Variants in CS observed in about 807,000 individuals in gnomAD.
The protein encoded by CS is citrate synthase.
CS carries 13 observed loss-of-function variants against 61.4 expected under a neutral mutation model. That is an observed-to-expected ratio of 0.21 (90% CI 0.14 to 0.34). The LOEUF (loss-of-function observed/expected upper bound fraction) is 0.34, where lower values mean the gene tolerates loss of function less well. Ranked by LOEUF, CS falls within the 10% of genes least tolerant of loss-of-function variation. CS has a pLI of 1.00. For missense variants in CS, 278 were observed against 573.4 expected, an observed-to-expected ratio of 0.48 and a Z score of 5.26; for synonymous variants, 159 against 215.2, an observed-to-expected ratio of 0.74 and a Z score of 2.29.
chr12:56,295,826 C>A (rs1300926058), intron 1 of CS, among the ~76,000 whole-genome samples: 3 of 148,658 alleles, frequency 2.0e-5, no homozygotes, highest in East Asian at 4.1e-4. Context: ...AGGTGGTGGG[C>A]GCCTACAGTC....
At chr12:56,286,773 A>G (rs1290711867) in intron 1 of CS, 128 bp from the exon 2 acceptor site, 9 of 798,326 alleles carry the variant, frequency 1.1e-5, no homozygotes, top group Admixed American at 2.2e-5. Context: ...GACATAAGAA[A>G]GCTGTAAAAG....
chr12:56,279,320 G>A (rs1416430309), intron 6 of CS, among the ~76,000 whole-genome samples: 5 of 152,036 alleles, frequency 3.3e-5, no homozygotes, highest in Admixed American at 3.3e-4. Flanking sequence ...ATCCTCTTAA[G>A]GTATATGTAA....
chr12:56,289,919 G>A (rs1458584105), intron 1 of CS, among the ~76,000 whole-genome samples: 1 of 151,968 alleles, frequency 6.6e-6, no homozygotes, highest in African/African-American at 2.4e-5. Flanking sequence ...TTTTGAGACC[G>A]AGTCTTGCTC....
chr12:56,278,890 C>A (rs71459354), intron 6 of CS, among the ~76,000 whole-genome samples: 1 of 152,120 alleles, frequency 6.6e-6, no homozygotes, highest in Admixed American at 6.5e-5. Flanking sequence ...TCTCCCACCT[C>A]GGCCTCCTGA....
At chr12:56,297,330 T>C (rs1359560347) in intron 1 of CS, among the ~76,000 whole-genome samples, 1 of 152,226 alleles carries the variant, frequency 6.6e-6, no homozygotes, top group Non-Finnish European at 1.5e-5. Context: ...GGCCATTGCT[T>C]AGCATTAATG....
At chr12:56,287,922 C>T (rs1872993549) in intron 1 of CS, among the ~76,000 whole-genome samples, 1 of 152,094 alleles carries the variant, frequency 6.6e-6, no homozygotes, top group African/African-American at 2.4e-5. Context: ...CCTCTCAAAG[C>T]ACTGGGATTA....
At position 56,272,677 on chromosome 12, in the gene CS, AGTCCTG is replaced by A. The variant is rs984956273; in HGVS notation, c.*401_*406del. The A allele has an allele frequency of 6.2e-6, 1 of 160,218 alleles. No homozygotes were observed. Among genetic ancestry groups the A allele is most frequent in the Admixed American group, 6.2e-5 (1 of 16,240 alleles). 9.9% of individuals were successfully genotyped at this position (160,218 alleles called of 1,614,324 possible). A position where few individuals can be genotyped will look rare whatever the true frequency, so the allele number is the denominator to read the frequency against. On this transcript the variant is annotated 3_prime_UTR_variant, in exon 11 of 11. Transcript: ENST00000351328. The stretch of plus-strand genomic sequence containing the variant: ...ATTCCTATGGAAACAGAAGGGGCAG[AGTCCTG>A]GTTTGCTGGCTTATTGAGGGCTTGG...
At chr12:56,295,348 C>T (rs569961316) in intron 1 of CS, among the ~76,000 whole-genome samples, 1 of 150,874 alleles carries the variant, frequency 6.6e-6, no homozygotes, top group African/African-American at 2.4e-5. Flanking sequence ...TGGTGAAACC[C>T]CATCTCTACT....
Position 56,272,687 on chromosome 12 carries a change from T to A in CS, c.*397A>T, listed in dbSNP as rs1326528710. 1.2e-5 allele frequency: 2 copies of A among 162,866 alleles called. No homozygotes were observed. Among genetic ancestry groups the A allele is most frequent in the Non-Finnish European group, 2.7e-5 (2 of 74,988 alleles). The allele number at this position is 162,866 out of a possible 1,614,324, so 10.1% of individuals were successfully genotyped here. On this transcript the variant is annotated 3_prime_UTR_variant, in exon 11 of 11. Coordinates refer to ENST00000351328, the MANE Select transcript of CS (RefSeq NM_004077.3). ...AAACAGAAGGGGCAGAGTCCTGGTT[T>A]GCTGGCTTATTGAGGGCTTGGCAGA...
rs1872525547 is a variant in CS, at chr12:56,271,768, GT to G, written c.*1315del. 1 of 385,708 alleles carries G rather than the reference GT, an allele frequency of 2.6e-6. No homozygotes were observed. The highest frequency in any genetic ancestry group is 5.2e-6 in the Non-Finnish European group (1 of 192,994). The allele number at this position is 385,708 out of a possible 1,614,324, so 23.9% of individuals were successfully genotyped here. ...CTGAAGTCTCCATCATGACTTGACAGTTACCCAGGGGTTTACAGTGTGTCCA... is the reference window on the plus strand; with the variant it reads ...CTGAAGTCTCCATCATGACTTGACAGTACCCAGGGGTTTACAGTGTGTCCA... On this transcript the variant is annotated 3_prime_UTR_variant, in exon 11 of 11. Transcript: ENST00000351328.
intron 1 of CS, among the ~76,000 whole-genome samples, chr12:56,297,618 C>T (rs900063092): frequency 9.2e-5 from 14 of 152,118 alleles, no homozygotes; most frequent in Non-Finnish European, 1.9e-4. Context: ...TCACGAGAAT[C>T]GCTTGAGCCT....
At chr12:56,280,953 CT>C (rs1272636732) in intron 6 of CS, among the ~76,000 whole-genome samples, 3 of 152,178 alleles carry the variant, frequency 2.0e-5, no homozygotes, top group Non-Finnish European at 4.4e-5. Context: ...TCTTCCTCAA[CT>C]GCAAACACAA....
chr12:56,277,478 G>A (rs12824674), intron 6 of CS, among the ~76,000 whole-genome samples: 5 of 150,568 alleles, frequency 3.3e-5, no homozygotes, highest in Non-Finnish European at 5.9e-5. Flanking sequence ...CAGCCTGGGC[G>A]ACAGAGTGAG....
chr12:56,287,406 T>G (rs1872971352), intron 1 of CS, among the ~76,000 whole-genome samples: 1 of 135,934 alleles, frequency 7.4e-6, no homozygotes, highest in South Asian at 2.4e-4. Context: ...GGCTTAAACC[T>G]TGGAGGCAGA....
chr12:56,290,797 C>T (rs1271629134), intron 1 of CS, among the ~76,000 whole-genome samples: 1 of 152,168 alleles, frequency 6.6e-6, no homozygotes, highest in Non-Finnish European at 1.5e-5. Context: ...TTTCTCTTCC[C>T]ATTTCCATAA....
chr12:56,277,700 G>A (rs1162115149), intron 6 of CS, among the ~76,000 whole-genome samples: 2 of 141,376 alleles, frequency 1.4e-5, no homozygotes, highest in African/African-American at 2.6e-5. Flanking sequence ...GCGCGATCTC[G>A]GCTCACTGCA....
At chr12:56,292,903 C>CA (rs569776114) in intron 1 of CS, among the ~76,000 whole-genome samples, 8 of 145,284 alleles carry the variant, frequency 5.5e-5, no homozygotes, top group Admixed American at 3.4e-4. Flanking sequence ...GACTCTGTCT[C>CA]AAAAAAAAAG....
At chr12:56,282,825 G>A in intron 5 of CS, 35 bp downstream of exon 5, 1 of 1,611,366 alleles carries the variant, frequency 6.2e-7, no homozygotes, top group Non-Finnish European at 8.5e-7. Context: ...TGAAGAAGGG[G>A]AATGAGAAGA....
intron 6 of CS, among the ~76,000 whole-genome samples, chr12:56,280,545 T>G (rs1410004225): frequency 6.6e-6 from 1 of 151,864 alleles, no homozygotes; most frequent in African/African-American, 2.4e-5. Context: ...GAGGATCACT[T>G]GAGTCCAGGA....
Sources: allele counts gnomAD v4.1 joint callset (sites outside exome capture counted in the v4.1 genomes callset), GRCh38; gene constraint gnomAD v4.1.1; transcripts MANE v1.5; gene names NCBI Gene and HGNC (gene_info 2026-07-23, HGNC 2026-07-21).